TRIM33: variants seen among roughly 807,000 people sequenced by gnomAD.
The protein encoded by TRIM33 is E3 ubiquitin-protein ligase TRIM33.
Under a neutral mutation model 125.4 loss-of-function variants are expected in TRIM33, and 20 were observed. The ratio of observed to expected loss-of-function variants is 0.16; its 90% CI spans 0.11 to 0.23. TRIM33 has a LOEUF of 0.23. Among genes scored for constraint, TRIM33 ranks in the 10% least tolerant of loss-of-function variants. The pLI is 1.00. For synonymous variants in TRIM33, 564 were observed against 513.9 expected (o/e 1.10, Z -1.32); for missense variants, 920 against 1,411.4 (o/e 0.65, Z 5.58).
chr1:114,487,790 G>A (rs375096509), intron 1 of TRIM33, among the ~76,000 whole-genome samples: 2,287 of 150,402 alleles, frequency 0.015, 48 homozygotes, highest in African/African-American at 0.047. Context: ...CCAGCTACTC[G>A]GGAGGCTGAG....
At chr1:114,429,939 G>C (rs966725099) in intron 6 of TRIM33, among the ~76,000 whole-genome samples, 6 of 152,000 alleles carry the variant, frequency 3.9e-5, no homozygotes, top group Admixed American at 3.3e-4. Context: ...TTCATGAACT[G>C]ACTAGATTTT....
chr1:114,423,787 A>G (rs1189368204), intron 10 of TRIM33, among the ~76,000 whole-genome samples: 1 of 152,114 alleles, frequency 6.6e-6, no homozygotes, highest in Non-Finnish European at 1.5e-5. Context: ...TGTTTCTCCA[A>G]CTTTAGTACG....
intron 1 of TRIM33, among the ~76,000 whole-genome samples, chr1:114,505,694 A>C (rs1652961117): frequency 6.6e-6 from 1 of 152,166 alleles, no homozygotes; most frequent in South Asian, 2.1e-4. Flanking sequence ...CGGCCTCCCG[A>C]GTAGCTGGGA....
chr1:114,423,565 CT>C (rs561155533), intron 10 of TRIM33, among the ~76,000 whole-genome samples: 14 of 147,642 alleles, frequency 9.5e-5, no homozygotes, highest in Admixed American at 2.0e-4. Context: ...TTTTTTCTTT[CT>C]TTTTTTTTTG....
intron 4 of TRIM33, among the ~76,000 whole-genome samples, chr1:114,442,141 T>C (rs960744756): frequency 6.6e-6 from 1 of 152,202 alleles, no homozygotes; most frequent in African/African-American, 2.4e-5. Context: ...GTACCTGGTA[T>C]ACGATGAGTA....
At position 114,402,769 on chromosome 1, in the gene TRIM33, C is replaced by T. The variant is rs1322566121; in HGVS notation, c.2883G>A (p.Val961=). ...CTTATTTGACACTTACCCTTTGGTC[C>T]ACGGGGCTTAACCCCTGCGCAGTTT... ...KGKTAQGLSP[V]DQRKCERLLL... Residue 961 remains valine (V), a synonymous_variant, in exon 16 of 20, where the codon GTG becomes GTA. Coordinates refer to ENST00000358465, the MANE Select transcript of TRIM33 (RefSeq NM_015906.4). 1.2e-6 allele frequency: 2 copies of T among 1,613,100 alleles called. No homozygotes were observed. The highest frequency in any genetic ancestry group is 4.5e-5 in the East Asian group (2 of 44,862).
At chr1:114,442,190 C>T (rs1457051858) in intron 4 of TRIM33, among the ~76,000 whole-genome samples, 1 of 152,166 alleles carries the variant, frequency 6.6e-6, no homozygotes, top group East Asian at 1.9e-4. Context: ...AATGAATACT[C>T]ATTTGTTGAG....
At position 114,393,575 on chromosome 1, in the gene TRIM33, G is replaced by A. The variant is rs764695794; in HGVS notation, c.*4073C>T. 4 of 205,378 alleles carry A rather than the reference G, an allele frequency of 1.9e-5. No individual in the cohort carries two copies. The highest frequency in any genetic ancestry group is 9.1e-5 in the African/African-American group (4 of 43,726). 12.7% of individuals were successfully genotyped at this position (205,378 alleles called of 1,614,324 possible). Reference sequence around the variant, plus strand: ...TTTTTGAAGATAGTTTTGTTTCTTCGATACAATAAAAAATATATAAAGGAC... The same window carrying A: ...TTTTTGAAGATAGTTTTGTTTCTTCAATACAATAAAAAATATATAAAGGAC... On this transcript the variant is annotated 3_prime_UTR_variant, in exon 20 of 20. Transcript: ENST00000358465.
rs114036973 is a variant in TRIM33, at chr1:114,491,933, T to C, written c.526+18618A>G. 7.0e-3 allele frequency among the ~76,000 whole-genome samples: 1,068 copies of C among 152,318 alleles called. 8 individuals carry two copies. Among genetic ancestry groups the C allele is most frequent in the African/African-American group, 0.016 (667 of 41,584 alleles). On this transcript the variant is annotated intron_variant, in intron 1 of 19. Coordinates refer to ENST00000358465, the MANE Select transcript of TRIM33 (RefSeq NM_015906.4). Reference sequence around the variant, plus strand: ...CTCCATAAAGCACAAACATCCTTCATGCACTTAGCAACACTACGGGGCACT... The same window carrying C: ...CTCCATAAAGCACAAACATCCTTCACGCACTTAGCAACACTACGGGGCACT...
At chr1:114,459,639 C>A (rs1649836148) in intron 4 of TRIM33, among the ~76,000 whole-genome samples, 1 of 152,102 alleles carries the variant, frequency 6.6e-6, no homozygotes, top group Non-Finnish European at 1.5e-5. Flanking sequence ...TCTAGTGGTA[C>A]ACATCTCTAG....
intron 1 of TRIM33, among the ~76,000 whole-genome samples, chr1:114,467,913 T>A (rs1008020869): frequency 6.6e-5 from 10 of 152,154 alleles, no homozygotes; most frequent in Admixed American, 2.0e-4. Context: ...AAATTACAGA[T>A]ATATTTTCAG....
intron 1 of TRIM33, among the ~76,000 whole-genome samples, chr1:114,494,878 G>C (rs1652277199): frequency 1.3e-5 from 2 of 152,164 alleles, no homozygotes; most frequent in African/African-American, 4.8e-5. Flanking sequence ...AAAATTGGCA[G>C]CCTAACTGGT....
chr1:114,429,265 G>A (rs1367914839), intron 6 of TRIM33, among the ~76,000 whole-genome samples: 2 of 151,134 alleles, frequency 1.3e-5, no homozygotes. Flanking sequence ...TTGCCTCACC[G>A]CAACCTCCAC....
intron 1 of TRIM33, among the ~76,000 whole-genome samples, chr1:114,507,268 C>A (rs1201748222): frequency 6.6e-6 from 1 of 152,174 alleles, no homozygotes; most frequent in African/African-American, 2.4e-5. Context: ...GACTACTGGA[C>A]AGGAGGTCCG....
chr1:114,510,870 C>A lies in TRIM33; in HGVS notation c.207G>T (p.Ala69=), dbSNP rs1209672680. ...CAGCCTGGGCCGAGCCCGAGGAGGC[C>A]GCGGCCACCCCCCCGTCGTCGGGCC... ...AAGPDDGGVA[A]ASSGSAQAAS... The change falls in exon 1 of 20, where the codon GCG becomes GCT. Residue 69 remains alanine, a synonymous_variant. Coordinates refer to ENST00000358465, the MANE Select transcript of TRIM33 (RefSeq NM_015906.4). 21 of 1,462,708 alleles carry A rather than the reference C, an allele frequency of 1.4e-5. No homozygotes were observed. The highest frequency in any genetic ancestry group is 1.8e-5 in the Non-Finnish European group (20 of 1,113,956). The allele number at this position is 1,462,708 out of a possible 1,614,324, so 90.6% of individuals were successfully genotyped here.
chr1:114,398,908 A>AC (rs201966376), intron 18 of TRIM33, among the ~76,000 whole-genome samples: 2,759 of 149,004 alleles, frequency 0.019, 43 homozygotes, highest in Non-Finnish European at 0.027. Context: ...CAAAAAAAAA[A>AC]AAAAAAACAA....
intron 1 of TRIM33, among the ~76,000 whole-genome samples, chr1:114,499,310 T>A (rs375327969): frequency 1.1e-4 from 16 of 152,092 alleles, no homozygotes; most frequent in African/African-American, 3.6e-4. Flanking sequence ...TGTAAAGTAT[T>A]AATTAGATCA....
intron 1 of TRIM33, among the ~76,000 whole-genome samples, chr1:114,475,864 G>A (rs921187556): frequency 1.3e-4 from 20 of 152,150 alleles, no homozygotes; most frequent in Admixed American, 3.3e-4. Flanking sequence ...CTAGCTCAGC[G>A]TGTAGGTGTG....
chr1:114,419,644 T>C (rs1210474475), intron 11 of TRIM33, among the ~76,000 whole-genome samples: 1 of 152,176 alleles, frequency 6.6e-6, no homozygotes. Context: ...TCTCCTAGTA[T>C]TAGGGAAGCA....
Sources: gnomAD v4.1 joint callset for allele counts (sites outside exome capture counted in the v4.1 genomes callset) on GRCh38, gnomAD v4.1.1 for gene constraint, MANE v1.5 for transcripts, NCBI Gene and HGNC (gene_info 2026-07-23, HGNC 2026-07-21) for gene names.